Variants in KCNQ2 observed in about 807,000 individuals in gnomAD.
The protein encoded by KCNQ2 is potassium voltage-gated channel subfamily Q member 2.
A neutral mutation model predicts 84.8 loss-of-function variants in KCNQ2; 14 were observed. The observed-to-expected ratio is 0.17, with a 90% confidence interval of 0.11 to 0.26. KCNQ2 has a LOEUF of 0.26. KCNQ2 is among the 10% of genes least tolerant of loss of function. The pLI is 1.00. For missense variants in KCNQ2, 788 were observed against 1,254.0 expected (o/e 0.63, Z 5.61); for synonymous variants, 599 against 554.1 (o/e 1.08, Z -1.14).
In KCNQ2 at chr20:63,472,448, G is replaced by C; in HGVS notation, c.16C>G (p.Arg6Gly). 6.5e-7 allele frequency: 1 copy of C among 1,531,322 alleles called. No individual in the cohort carries two copies. 94.9% of individuals were successfully genotyped at this position (1,531,322 alleles called of 1,614,324 possible). Residue 6 changes from arginine to glycine, a missense_variant, in exon 1 of 17, where the codon CGC (arginine) becomes GGC (glycine). By Grantham distance (125) the Arg-to-Gly change is moderately radical (BLOSUM62 -2). Coordinates refer to ENST00000359125, the MANE Select transcript of KCNQ2 (RefSeq NM_172107.4). MVQKS[R>G]NGGVYPGPSG... The stretch of plus-strand genomic sequence containing the variant: ...GGGCCGGGGTATACGCCGCCGTTGC[G>C]CGACTTCTGCACCATGGTGCCTGGC...
At chr20:63,409,804 TCCTGCCACTGGGCTGCCCTA>T (rs1376641841) in intron 15 of KCNQ2, among the ~76,000 whole-genome samples, 2 of 132,266 alleles carry the variant, frequency 1.5e-5, no homozygotes, top group East Asian at 4.6e-4. Flanking sequence ...GGGCGGGACT[TCCTGCCACTGGGCTGCCCTA>T]CCTGCCTCTG....
chr20:63,446,675 G>A lies in KCNQ2; in HGVS notation c.387+72C>T, dbSNP rs550455066. On this transcript the variant is annotated intron_variant, in intron 2 of 16. Coordinates refer to ENST00000359125, the MANE Select transcript of KCNQ2 (RefSeq NM_172107.4). This position sits in a 1 kb window ranked among gnomAD's most constrained non-coding sequence, Gnocchi z 5.5. ...TCAGAGGCCCTGTAGTAACAGGAAC[G>A]GAAGACAGACGCCCAGGCAGCTCCA... The A allele has an allele frequency of 2.5e-5, 33 of 1,299,842 alleles. 1 individual carries two copies. The highest frequency in any genetic ancestry group is 1.3e-4 in the South Asian group (11 of 84,552). The allele number at this position is 1,299,842 out of a possible 1,614,324, so 80.5% of individuals were successfully genotyped here. A position where few individuals can be genotyped will look rare whatever the true frequency, so the allele number is the denominator to read the frequency against.
intron 9 of KCNQ2, among the ~76,000 whole-genome samples, chr20:63,430,194 G>A (rs1333828274): frequency 6.6e-6 from 1 of 152,184 alleles, no homozygotes; most frequent in Non-Finnish European, 1.5e-5. Flanking sequence ...CAGGGCCAGG[G>A]CAGGACGGAG....
chr20:63,443,168 T>C (rs1355743418), intron 4 of KCNQ2, among the ~76,000 whole-genome samples: 26 of 30,902 alleles, frequency 8.4e-4, no homozygotes, highest in Admixed American at 1.4e-3. Context: ...GCCACCACCA[T>C]CACATCACCA....
chr20:63,416,843 G>A (rs2080314557), intron 12 of KCNQ2, among the ~76,000 whole-genome samples: 1 of 152,056 alleles, frequency 6.6e-6, no homozygotes, highest in Non-Finnish European at 1.5e-5. Flanking sequence ...CACGCGGATC[G>A]CTTGGCTGCC....
At chr20:63,410,842 G>A (rs1037650267) in intron 15 of KCNQ2, among the ~76,000 whole-genome samples, 1 of 152,160 alleles carries the variant, frequency 6.6e-6, no homozygotes, top group East Asian at 1.9e-4. Context: ...GAAACTGTCT[G>A]CCCTGAGCTG....
rs113131445 is a variant in KCNQ2 at position 63,467,234 on chromosome 20, T to C, written c.296+4934A>G. On this transcript the variant is annotated intron_variant, in intron 1 of 16. Coordinates refer to ENST00000359125, the MANE Select transcript of KCNQ2 (RefSeq NM_172107.4). The stretch of plus-strand genomic sequence containing the variant: ...GGCCATCCCATATCCCTTCTCCCCA[T>C]ATTCAAGGCCCCCACAGGTCCCCCT... 5.7e-3 allele frequency among the ~76,000 whole-genome samples: 865 copies of C among 152,310 alleles called. 8 individuals are homozygous for C. The highest frequency in any genetic ancestry group is 0.019 in the African/African-American group (784 of 41,574).
chr20:63,428,523 G>A, intron 9 of KCNQ2, 88 bp from the exon 10 acceptor site: 2 of 1,171,200 alleles, frequency 1.7e-6, no homozygotes, highest in Non-Finnish European at 2.5e-6. Flanking sequence ...CCATGGGCAG[G>A]CGCCTGCAGT....
chr20:63,407,096 G>A lies in KCNQ2; in HGVS notation c.2167C>T (p.His723Tyr), dbSNP rs1601543704. The change falls in exon 17 of 17, where the codon CAC (histidine) becomes TAC (tyrosine). Residue 723 changes from histidine to tyrosine, a missense_variant. Physicochemically the swap from His to Tyr is moderately conservative, Grantham distance 83. Transcript: ENST00000359125. The surrounding 1 kb of genome is among the most constrained non-coding windows in gnomAD (Gnocchi z 7.2). ...PPSTSWQPQSHPRQGHGTSPV... is the reference protein window; with the variant it reads ...PPSTSWQPQSYPRQGHGTSPV... ...GAGGTGCCGTGGCCCTGGCGCGGGT[G>A]GCTCTGTGGCTGCCAGGAGGTGGAG... 6.5e-7 allele frequency: 1 copy of A among 1,537,280 alleles called. No individual in the cohort carries two copies. The highest frequency in any genetic ancestry group is 1.4e-5 in the African/African-American group (1 of 73,230).
chr20:63,402,454 A>C lies in KCNQ2; in HGVS notation c.*4190T>G. The C allele has an allele frequency of 6.6e-6, 1 of 152,496 alleles. No homozygotes were observed. Among genetic ancestry groups the C allele is most frequent in the East Asian group, 1.9e-4 (1 of 5,208 alleles). The allele number at this position is 152,496 out of a possible 1,614,324, so 9.4% of individuals were successfully genotyped here. A position where few individuals can be genotyped will look rare whatever the true frequency, so the allele number is the denominator to read the frequency against. On this transcript the variant is annotated 3_prime_UTR_variant, in exon 17 of 17. Transcript: ENST00000359125. ...TCTGCTCCTCGGCTTCTGGGAAGCA[A>C]CTAGAAATAGCTGAGAGCCCAGCTC...
chr20:63,461,553 A>G (rs2081946808), intron 1 of KCNQ2, among the ~76,000 whole-genome samples: 1 of 152,204 alleles, frequency 6.6e-6, no homozygotes, highest in Admixed American at 6.5e-5. Context: ...GCTCCTGGTC[A>G]GGACCATGGC....
chr20:63,421,847 G>A (rs1442001157), intron 11 of KCNQ2, among the ~76,000 whole-genome samples: 4 of 152,106 alleles, frequency 2.6e-5, no homozygotes, highest in South Asian at 4.1e-4. Flanking sequence ...GGGCAGCACG[G>A]CCCGAGCCCC....
chr20:63,412,033 G>A (rs1002342568), intron 15 of KCNQ2, among the ~76,000 whole-genome samples: 7 of 152,216 alleles, frequency 4.6e-5, no homozygotes, highest in African/African-American at 1.7e-4. Context: ...ACGCCGCCTC[G>A]CTGGACCTTG....
rs1453048429 is a variant in KCNQ2 at position 63,425,852 on chromosome 20, A to G, written c.1218-1646T>C. 6.6e-6 allele frequency among the ~76,000 whole-genome samples: 1 copy of G among 152,242 alleles called. No individual in the cohort carries two copies. Among genetic ancestry groups the G allele is most frequent in the African/African-American group, 2.4e-5 (1 of 41,458 alleles). ...AACCTGGGGCTAAAGTCCTCCATGCATGGGCTTGTGAACTAGAAAACAAGC... is the reference window on the plus strand; with the variant it reads ...AACCTGGGGCTAAAGTCCTCCATGCGTGGGCTTGTGAACTAGAAAACAAGC... On this transcript the variant is annotated intron_variant, in intron 10 of 16. Transcript: ENST00000359125. This position sits in a 1 kb window ranked among gnomAD's most constrained non-coding sequence, Gnocchi z 5.5.
intron 1 of KCNQ2, among the ~76,000 whole-genome samples, chr20:63,452,030 C>T (rs2081629712): frequency 6.6e-6 from 1 of 152,264 alleles, no homozygotes; most frequent in Admixed American, 6.5e-5. Flanking sequence ...ACAGGCGGCC[C>T]GGCCAAGGTC....
chr20:63,411,498 G>A lies in KCNQ2; in HGVS notation c.1763+1952C>T, dbSNP rs939378214. On this transcript the variant is annotated intron_variant, in intron 15 of 16. Coordinates refer to ENST00000359125, the MANE Select transcript of KCNQ2 (RefSeq NM_172107.4). ...GCCCGGGGGCCTCCCAACCCCAGAGGGAAATCTCACAGGGCATCCACAGAG... is the reference window on the plus strand; with the variant it reads ...GCCCGGGGGCCTCCCAACCCCAGAGAGAAATCTCACAGGGCATCCACAGAG... Among the ~76,000 whole-genome samples, 14 of 152,192 alleles carry A rather than the reference G, an allele frequency of 9.2e-5. 1 individual carries two copies. Among genetic ancestry groups the A allele is most frequent in the African/African-American group, 1.9e-4 (8 of 41,452 alleles).
At chr20:63,430,323 G>T (rs938990288) in intron 9 of KCNQ2, among the ~76,000 whole-genome samples, 1 of 152,088 alleles carries the variant, frequency 6.6e-6, no homozygotes, top group South Asian at 2.1e-4. Flanking sequence ...GGCCTCTGCA[G>T]ACATTGGAGA....
At chr20:63,471,970 C>T (rs930500588) in intron 1 of KCNQ2, among the ~76,000 whole-genome samples, 198 bp downstream of exon 1, 1 of 152,200 alleles carries the variant, frequency 6.6e-6, no homozygotes, top group South Asian at 2.1e-4. Context: ...GCCCCGACCC[C>T]GGAATCCTTC....
intron 1 of KCNQ2, among the ~76,000 whole-genome samples, chr20:63,457,565 G>A (rs538678912): frequency 6.6e-6 from 1 of 152,368 alleles, no homozygotes; most frequent in African/African-American, 2.4e-5. Flanking sequence ...GGGGGCTCTC[G>A]ATGCCCCACA....
Sources: gnomAD v4.1 joint callset for allele counts (sites outside exome capture counted in the v4.1 genomes callset) on GRCh38, gnomAD v4.1.1 for gene constraint, Gnocchi (gnomAD v3.1) non-coding constraint, MANE v1.5 for transcripts, NCBI Gene and HGNC (gene_info 2026-07-23, HGNC 2026-07-21) for gene names.